CREB5: variants seen among roughly 807,000 people sequenced by gnomAD.
CREB5 encodes cyclic AMP-responsive element-binding protein 5.
CREB5 carries 19 observed loss-of-function variants against 57.1 expected under a neutral mutation model. The ratio of observed to expected loss-of-function variants is 0.33; its 90% confidence interval spans 0.23 to 0.49. The LOEUF is 0.49. Ranked by LOEUF, CREB5 falls within the 20% of genes least tolerant of loss-of-function variation. The pLI, the probability that CREB5 is intolerant of heterozygous loss-of-function variation, is 0.99. For synonymous variants in CREB5, 238 were observed against 238.3 expected, an observed-to-expected ratio of 1.00 and a Z score of 0.01; for missense variants, 579 against 671.6, an observed-to-expected ratio of 0.86 and a Z score of 1.52.
At chr7:28,513,510 A>T (rs528464344) in intron 4 of CREB5, 1 of 151,826 alleles carries the variant, frequency 6.6e-6, no homozygotes, top group Non-Finnish European at 1.5e-5. Flanking sequence ...GGAGATGACA[A>T]CCTCTTTCTT....
intron 1 of CREB5, among the ~76,000 whole-genome samples, chr7:28,463,192 T>C (rs1406739285): frequency 6.6e-6 from 1 of 152,186 alleles, no homozygotes; most frequent in Non-Finnish European, 1.5e-5. Flanking sequence ...GATTGTTTTT[T>C]TCTTTCATTG....
rs116856172 is a variant in CREB5, at chr7:28,383,570, A to G, written c.-25+84129A>G. On this transcript the variant is annotated intron_variant, in intron 1 of 9. Transcript: ENST00000396299. ...TGAAGTGAGAGCAGGCTCATCTCAC[A>G]TGGCAGGAAAGCAGGAGCAAGGGTG... Among the ~76,000 whole-genome samples the G allele has an allele frequency of 4.4e-3, 667 of 152,314 alleles. 2 individuals are homozygous for G. Among genetic ancestry groups the G allele is most frequent in the Non-Finnish European group, 7.0e-3 (476 of 68,032 alleles).
At chr7:28,410,091 G>A, upstream of CREB5, 1 of 397,648 alleles carries the variant, frequency 2.5e-6, no homozygotes, top group South Asian at 1.9e-5. Context: ...CAGGGGGCTC[G>A]CTCTCCCCGG....
chr7:28,403,092 C>T (rs1393033593), intron 1 of CREB5, among the ~76,000 whole-genome samples: 3 of 152,144 alleles, frequency 2.0e-5, no homozygotes, highest in African/African-American at 4.8e-5. Context: ...ATTTGTATGT[C>T]AAGACTGGAA....
intron 1 of CREB5, among the ~76,000 whole-genome samples, chr7:28,348,264 A>T (rs747545262): frequency 1.3e-5 from 2 of 152,138 alleles, no homozygotes; most frequent in Non-Finnish European, 2.9e-5. Context: ...ATGAAAACTG[A>T]GTCTGCATCT....
chr7:28,337,620 A>G (rs371005458), intron 1 of CREB5, among the ~76,000 whole-genome samples: 1 of 151,848 alleles, frequency 6.6e-6, no homozygotes, highest in Non-Finnish European at 1.5e-5. Context: ...TAGGCGGTAG[A>G]TCATTGGGTC....
chr7:28,741,037 T>C (rs1013872097), intron 7 of CREB5, among the ~76,000 whole-genome samples: 1 of 151,984 alleles, frequency 6.6e-6, no homozygotes, highest in Non-Finnish European at 1.5e-5. Context: ...TTAACTGATT[T>C]CTACTTGACT....
intron 4 of CREB5, among the ~76,000 whole-genome samples, chr7:28,546,039 C>T (rs541857221): frequency 6.6e-6 from 1 of 152,330 alleles, no homozygotes; most frequent in South Asian, 2.1e-4. Context: ...CCATAGGCAT[C>T]ACTCCCCGTC....
At chr7:28,448,100 G>A (rs1374009331) in intron 1 of CREB5, among the ~76,000 whole-genome samples, 1 of 152,172 alleles carries the variant, frequency 6.6e-6, no homozygotes, top group Non-Finnish European at 1.5e-5. Context: ...TCAGCTGCCA[G>A]CGAATATAAA....
chr7:28,576,341 G>T (rs1241985746), intron 5 of CREB5, among the ~76,000 whole-genome samples: 1 of 152,230 alleles, frequency 6.6e-6, no homozygotes, highest in Non-Finnish European at 1.5e-5. Flanking sequence ...CAATAGCTCA[G>T]AGAGGTAGCT....
At chr7:28,390,328 C>T (rs1787191498) in intron 1 of CREB5, among the ~76,000 whole-genome samples, 1 of 152,146 alleles carries the variant, frequency 6.6e-6, no homozygotes, top group Non-Finnish European at 1.5e-5. Flanking sequence ...TAAAAAGGCA[C>T]ACAATTCTTT....
chr7:28,742,214 A>G (rs769708264), intron 7 of CREB5, among the ~76,000 whole-genome samples: 4 of 152,118 alleles, frequency 2.6e-5, no homozygotes, highest in Non-Finnish European at 5.9e-5. Context: ...GATTAAATCT[A>G]CCCACTGCAA....
intron 1 of CREB5, among the ~76,000 whole-genome samples, chr7:28,353,365 C>G (rs1488221118): frequency 6.6e-6 from 1 of 152,170 alleles, no homozygotes; most frequent in Non-Finnish European, 1.5e-5. Context: ...AAGAAAAGTA[C>G]AGGGTTCTAG....
chr7:28,476,422 C>T (rs543946011), intron 1 of CREB5, among the ~76,000 whole-genome samples: 1 of 152,336 alleles, frequency 6.6e-6, no homozygotes, highest in South Asian at 2.1e-4. Flanking sequence ...CAACATTTCA[C>T]AGCACTTTGC....
chr7:28,324,957 C>G (rs1215919245), intron 1 of CREB5, among the ~76,000 whole-genome samples: 2 of 152,204 alleles, frequency 1.3e-5, no homozygotes, highest in Non-Finnish European at 2.9e-5. Flanking sequence ...CTTTCTATGT[C>G]AAATGTATTA....
chr7:28,329,091 T>A (rs1456230808), intron 1 of CREB5, among the ~76,000 whole-genome samples: 1 of 152,204 alleles, frequency 6.6e-6, no homozygotes, highest in Non-Finnish European at 1.5e-5. Context: ...GAGGAATATC[T>A]CACTGGTTCA....
chr7:28,624,981 A>G (rs1489809277), intron 5 of CREB5, among the ~76,000 whole-genome samples: 1 of 149,694 alleles, frequency 6.7e-6, no homozygotes, highest in Non-Finnish European at 1.5e-5. Flanking sequence ...TTGGTACAGT[A>G]GTATCCACCA....
intron 1 of CREB5, among the ~76,000 whole-genome samples, chr7:28,314,371 T>G (rs1032337482): frequency 2.6e-5 from 4 of 152,224 alleles, no homozygotes; most frequent in Non-Finnish European, 5.9e-5. Context: ...GAGATGGTGC[T>G]GTCTTTATCA....
chr7:28,757,975 A>G lies in CREB5; in HGVS notation c.702+33643A>G, dbSNP rs570538822. ...GTGTTCAATCTGTAGTCCCAGTAGC[A>G]GTAGTATTACAGCAATGGTAGTGCT... On this transcript the variant is annotated intron_variant, in intron 7 of 10. Transcript: ENST00000357727. 3.5e-4 allele frequency among the ~76,000 whole-genome samples: 53 copies of G among 152,302 alleles called. 2 individuals carry two copies. The highest frequency in any genetic ancestry group is 1.3e-3 in the African/African-American group (52 of 41,572).
Sources: allele counts gnomAD v4.1 joint callset (sites outside exome capture counted in the v4.1 genomes callset), GRCh38; gene constraint gnomAD v4.1.1; transcripts MANE v1.5; gene names NCBI Gene and HGNC (gene_info 2026-07-23, HGNC 2026-07-21).